The following CDH13 variants were observed in gnomAD, a reference collection of about 807,000 sequenced individuals.
The protein encoded by CDH13 is cadherin 13.
A neutral mutation model predicts 63.8 loss-of-function variants in CDH13; 24 were observed. The observed-to-expected ratio is 0.38, with a 90% confidence interval of 0.27 to 0.53. The LOEUF is 0.53. Among genes scored for constraint, CDH13 ranks in the 20% least tolerant of loss-of-function variants. The pLI, the probability that CDH13 is intolerant of heterozygous loss-of-function variation, is 0.85. For missense variants in CDH13, 1,049 were observed against 903.1 expected (o/e 1.16, Z -2.07); for synonymous variants, 503 against 355.3 (o/e 1.42, Z -4.67).
At chr16:83,777,945 G>A (rs905212783) in intron 11 of CDH13, among the ~76,000 whole-genome samples, 8 of 152,230 alleles carry the variant, frequency 5.3e-5, no homozygotes, top group Non-Finnish European at 1.2e-4. Flanking sequence ...GATAAGAACA[G>A]ATCTGTACTT....
chr16:83,066,728 A>G (rs937085880), intron 3 of CDH13, among the ~76,000 whole-genome samples: 5 of 152,218 alleles, frequency 3.3e-5, no homozygotes, highest in Admixed American at 3.3e-4. Context: ...GTGTGAAGTC[A>G]GTCTTTTAAT....
intron 2 of CDH13, among the ~76,000 whole-genome samples, chr16:82,993,813 G>A (rs914301131): frequency 1.2e-4 from 19 of 152,228 alleles, no homozygotes; most frequent in South Asian, 6.2e-4. Flanking sequence ...TTCCTGAAAC[G>A]TCATTTTGAC....
intron 4 of CDH13, chr16:83,171,498 C>T: frequency 7.9e-6 from 12 of 1,526,756 alleles, no homozygotes; most frequent in Non-Finnish European, 1.1e-5. Flanking sequence ...AATAGACTGC[C>T]CATAAATAAT....
At chr16:83,794,091 G>A (rs1212391490) in intron 13 of CDH13, among the ~76,000 whole-genome samples, 4 of 152,172 alleles carry the variant, frequency 2.6e-5, no homozygotes, top group Admixed American at 6.5e-5. Context: ...GCAAGGGAAC[G>A]GATGCTTTCC....
chr16:83,479,751 C>G (rs1249643820), intron 6 of CDH13, among the ~76,000 whole-genome samples: 1 of 152,218 alleles, frequency 6.6e-6, no homozygotes, highest in Non-Finnish European at 1.5e-5. Context: ...GGTAATATTA[C>G]TTCTAAGCAA....
rs915951248 is a variant in CDH13 at position 83,391,473 on chromosome 16, G to A, written c.781+46467G>A. On this transcript the variant is annotated intron_variant, in intron 6 of 13. Coordinates refer to ENST00000567109, the MANE Select transcript of CDH13 (RefSeq NM_001257.5). ...CCCGCCTCAGCCTCCCAAAGTGCTG[G>A]GATTACAGGCATGAGCCACCGTGCC... 2.0e-5 allele frequency among the ~76,000 whole-genome samples: 3 copies of A among 152,170 alleles called. No homozygotes were observed. In the East Asian group the frequency reaches 5.8e-4, roughly 29 times the overall value.
At chr16:82,925,559 T>C (rs1445603889) in intron 2 of CDH13, among the ~76,000 whole-genome samples, 1 of 152,202 alleles carries the variant, frequency 6.6e-6, no homozygotes, top group Non-Finnish European at 1.5e-5. Flanking sequence ...TGAGTATTCG[T>C]GTCCCCAGCC....
intron 1 of CDH13, among the ~76,000 whole-genome samples, chr16:82,646,922 G>A (rs1349236493): frequency 6.6e-6 from 1 of 152,210 alleles, no homozygotes; most frequent in Non-Finnish European, 1.5e-5. Flanking sequence ...GGGTGACTAT[G>A]AATGTGAAGG....
At chr16:82,887,270 AGT>A (rs925377586) in intron 2 of CDH13, among the ~76,000 whole-genome samples, 9 of 152,328 alleles carry the variant, frequency 5.9e-5, no homozygotes, top group African/African-American at 1.4e-4. Flanking sequence ...ACACAAAAGT[AGT>A]AAGAGTCTAA....
At chr16:83,155,258 G>A (rs1365124717) in intron 4 of CDH13, among the ~76,000 whole-genome samples, 1 of 151,778 alleles carries the variant, frequency 6.6e-6, no homozygotes, top group Non-Finnish European at 1.5e-5. Flanking sequence ...TCTGGATGGA[G>A]GTAGAAGAGT....
At chr16:83,594,800 T>C (rs1907102088) in intron 7 of CDH13, among the ~76,000 whole-genome samples, 1 of 152,228 alleles carries the variant, frequency 6.6e-6, no homozygotes, top group African/African-American at 2.4e-5. Context: ...GTGGAAGTCA[T>C]TGTAGCTGTG....
rs532661319 is a variant in CDH13 at position 83,368,565 on chromosome 16, G to A, written c.781+23559G>A. ...GGTTTTTTGGGAACAGGTGGTGTTTGGTTACATGAGTAAGTTCTTTAGCCG... is the reference window on the plus strand; with the variant it reads ...GGTTTTTTGGGAACAGGTGGTGTTTAGTTACATGAGTAAGTTCTTTAGCCG... On this transcript the variant is annotated intron_variant, in intron 6 of 13. Coordinates refer to ENST00000567109, the MANE Select transcript of CDH13 (RefSeq NM_001257.5). Among the ~76,000 whole-genome samples the A allele has an allele frequency of 9.2e-5, 14 of 151,540 alleles. No homozygotes were observed. The South Asian group carries it at 2.7e-3, about 29-fold the overall frequency.
At chr16:82,881,783 G>A (rs1444670905) in intron 2 of CDH13, among the ~76,000 whole-genome samples, 1 of 152,054 alleles carries the variant, frequency 6.6e-6, no homozygotes, top group Non-Finnish European at 1.5e-5. Flanking sequence ...GGAGGAGGGG[G>A]CTGACTATCT....
intron 10 of CDH13, among the ~76,000 whole-genome samples, chr16:83,680,648 A>G (rs1005972171): frequency 1.3e-5 from 2 of 152,134 alleles, no homozygotes; most frequent in African/African-American, 4.8e-5. Context: ...CAACCTAGAA[A>G]TGACTTGAGG....
At chr16:82,697,663 C>T (rs1206349300) in intron 1 of CDH13, among the ~76,000 whole-genome samples, 1 of 151,876 alleles carries the variant, frequency 6.6e-6, no homozygotes, top group East Asian at 1.9e-4. Flanking sequence ...CTCCTGACCT[C>T]ATGATCCACC....
intron 2 of CDH13, among the ~76,000 whole-genome samples, chr16:82,913,404 C>G (rs1409679092): frequency 2.0e-5 from 3 of 152,120 alleles, no homozygotes; most frequent in African/African-American, 7.2e-5. Context: ...TGCTTGGAGC[C>G]TTTTCTTTCC....
chr16:83,084,451 G>A (rs1235136519), intron 3 of CDH13, among the ~76,000 whole-genome samples: 1 of 152,168 alleles, frequency 6.6e-6, no homozygotes, highest in Non-Finnish European at 1.5e-5. Context: ...CTTTGTGGAG[G>A]AGAACCCATC....
At chr16:82,738,014 A>G (rs1422377375) in intron 1 of CDH13, among the ~76,000 whole-genome samples, 6 of 152,200 alleles carry the variant, frequency 3.9e-5, no homozygotes. Context: ...TAAAATGTTT[A>G]AGTGCACAAT....
At chr16:82,780,175 G>C (rs763132983) in intron 1 of CDH13, among the ~76,000 whole-genome samples, 4 of 152,036 alleles carry the variant, frequency 2.6e-5, no homozygotes, top group African/African-American at 4.8e-5. Flanking sequence ...GAAAGGTCAG[G>C]ACTATATATT....
Sources: allele counts gnomAD v4.1 joint callset (sites outside exome capture counted in the v4.1 genomes callset), GRCh38; gene constraint gnomAD v4.1.1; transcripts MANE v1.5; gene names NCBI Gene and HGNC (gene_info 2026-07-23, HGNC 2026-07-21).